Variants in KAT2A observed in about 807,000 individuals in gnomAD.
KAT2A encodes the protein lysine acetyltransferase 2A, also known as histone acetyltransferase KAT2A.
KAT2A carries 42 observed loss-of-function variants against 95.2 expected under a neutral mutation model. That is an observed-to-expected ratio of 0.44 (90% CI 0.34 to 0.57). KAT2A has a LOEUF of 0.57. Ranked by LOEUF, KAT2A falls within the 20% of genes least tolerant of loss-of-function variation. The pLI is 0.01. For synonymous variants in KAT2A, 449 were observed against 448.2 expected (o/e 1.00, Z -0.02); for missense variants, 784 against 1,126.3 (o/e 0.70, Z 4.35).
chr17:42,114,106 G>A lies in KAT2A; in HGVS notation c.2236-22C>T, dbSNP rs1480544090. ...GAGACTGGAGAGAAGAGCCGGGCTG[G>A]GGACAGCCCTGCTGCGCCCACGCCA... On this transcript the variant is annotated intron_variant, in intron 16 of 17. Coordinates refer to ENST00000225916, the MANE Select transcript of KAT2A (RefSeq NM_021078.3). The surrounding 1 kb of genome is among the most constrained non-coding windows in gnomAD (Gnocchi z 6.0). 6.4e-7 allele frequency: 1 copy of A among 1,560,074 alleles called. No individual in the cohort carries two copies. Among genetic ancestry groups the A allele is most frequent in the Non-Finnish European group, 8.6e-7 (1 of 1,157,896 alleles).
chr17:42,117,009 G>C lies in KAT2A; in HGVS notation c.1764+26C>G. The C allele has an allele frequency of 6.2e-7, 1 of 1,612,554 alleles. No individual in the cohort carries two copies. The highest frequency in any genetic ancestry group is 8.5e-7 in the Non-Finnish European group (1 of 1,179,712). Reference sequence around the variant, plus strand: ...AACTCAGGAGTGGGCCGTGGACTGGGGCTGGGGCCGGGGAGCCGCGCTCAC... The same window carrying C: ...AACTCAGGAGTGGGCCGTGGACTGGCGCTGGGGCCGGGGAGCCGCGCTCAC... On this transcript the variant is annotated intron_variant, in intron 11 of 17. Transcript: ENST00000225916. This position sits in a 1 kb window ranked among gnomAD's most constrained non-coding sequence, Gnocchi z 8.9.
At position 42,114,067 on chromosome 17, in the gene KAT2A, C is replaced by T. The variant is rs2144026853; in HGVS notation, c.2253G>A (p.Trp751Ter). The T allele has an allele frequency of 6.5e-7, 1 of 1,534,432 alleles. No homozygotes were observed. The highest frequency in any genetic ancestry group is 2.5e-5 in the Admixed American group (1 of 40,030). Residue 751 changes from tryptophan (W) to a stop codon, truncating the protein, a stop_gained, in exon 17 of 18, where the codon TGG becomes TGA. Transcript: ENST00000225916. LOFTEE classifies it high-confidence loss of function. This position sits in a 1 kb window ranked among gnomAD's most constrained non-coding sequence, Gnocchi z 6.0. ...LAQIKSHPSAWPFMEPVKKSE... is the reference protein window; with the variant it reads ...LAQIKSHPSA ...ACTTCTTCACAGGCTCCATGAAGGG[C>T]CAGGCACTGGGGTGAGACTGGAGAG...
At chr17:42,115,584 A>T (rs2054246337) in intron 12 of KAT2A, 139 bp downstream of exon 12, 1 of 662,720 alleles carries the variant, frequency 1.5e-6, no homozygotes, top group Admixed American at 2.2e-5. Flanking sequence ...AGGAAAGAAG[A>T]TAGGCATGGA....
chr17:42,114,138 GACCACTACCC>G lies in KAT2A; in HGVS notation c.2236-64_2236-55del. ...CCCTGCTGCGCCCACGCCAGCCCGAGACCACTACCCACCCCACACTGCATCAAGAGGCCAC... is the reference window on the plus strand; with the variant it reads ...CCCTGCTGCGCCCACGCCAGCCCGAGACCCCACACTGCATCAAGAGGCCAC... On this transcript the variant is annotated intron_variant, in intron 16 of 17. Transcript: ENST00000225916. This position sits in a 1 kb window ranked among gnomAD's most constrained non-coding sequence, Gnocchi z 6.0. The G allele has an allele frequency of 6.3e-7, 1 of 1,575,514 alleles. No individual in the cohort carries two copies. The highest frequency in any genetic ancestry group is 8.6e-7 in the Non-Finnish European group (1 of 1,163,644).
rs782032551 is a variant in KAT2A, at chr17:42,117,029, G to A, written c.1764+6C>T. 5 of 1,613,692 alleles carry A rather than the reference G, an allele frequency of 3.1e-6. No homozygotes were observed. The highest frequency in any genetic ancestry group is 2.7e-5 in the African/African-American group (2 of 75,058). On this transcript the variant is annotated splice_donor_region_variant and intron_variant, in intron 11 of 17. Coordinates refer to ENST00000225916, the MANE Select transcript of KAT2A (RefSeq NM_021078.3). The surrounding 1 kb of genome is among the most constrained non-coding windows in gnomAD (Gnocchi z 8.9). ...ACTGGGGCTGGGGCCGGGGAGCCGC[G>A]CTCACCTTGACCTGCTCATTCGAGG...
In KAT2A at chr17:42,114,359, C is replaced by T. The variant is rs2054221766; in HGVS notation, c.2170G>A (p.Gly724Arg). ...CAACCCGGCTCCTTTGACACTCACC[C>T]CTTCTCCTTCCCCAATGGCTTCCAG... is the stretch of plus-strand genomic sequence containing the variant. ...TGWKPLGKEK[G>R]KELKDPDQLY... The change falls in exon 15 of 18, where the codon GGG (glycine) becomes AGG (arginine). Residue 724 changes from glycine to arginine, a missense_variant and splice_region_variant. This residue lies in a region of KAT2A where 195 missense variants were observed against 247.1 expected (regional missense o/e 0.79). Transcript: ENST00000225916. The surrounding 1 kb of genome is among the most constrained non-coding windows in gnomAD (Gnocchi z 6.0). 1.2e-6 allele frequency: 2 copies of T among 1,614,058 alleles called. No homozygotes were observed. Among genetic ancestry groups the T allele is most frequent in the Non-Finnish European group, 1.7e-6 (2 of 1,179,960 alleles).
chr17:42,118,195 G>A (rs1555666536), intron 7 of KAT2A, 102 bp downstream of exon 7: 2 of 977,936 alleles, frequency 2.0e-6, no homozygotes, highest in Non-Finnish European at 3.2e-6. Flanking sequence ...AGGTCCCTCA[G>A]TGGGATCCAG....
chr17:42,120,721 A>C lies in KAT2A; in HGVS notation c.448T>G (p.Cys150Gly). Residue 150 changes from cysteine to glycine, a missense_variant, in exon 2 of 18, where the codon TGT (cysteine) becomes GGT (glycine). Around this residue, in one of 6 missense-constraint regions of KAT2A, gnomAD observed 208 missense variants for 339.7 expected, o/e 0.61. Coordinates refer to ENST00000225916, the MANE Select transcript of KAT2A (RefSeq NM_021078.3). ...AANLSELCRS[C>G]EHPLADHVSH... The stretch of plus-strand genomic sequence containing the variant: ...CCTGCCTTACCCAAGGGGTGCTCAC[A>C]ACTGCGGCACAGCTCACTCAGGTTG... 1.2e-6 allele frequency: 2 copies of C among 1,614,062 alleles called. No homozygotes were observed. Among genetic ancestry groups the C allele is most frequent in the Non-Finnish European group, 1.7e-6 (2 of 1,180,030 alleles).
At chr17:42,118,987 G>A in intron 6 of KAT2A, 1 of 1,281,688 alleles carries the variant, frequency 7.8e-7, no homozygotes, top group Non-Finnish European at 9.9e-7. Flanking sequence ...GCCCCCATGG[G>A]AAACAATTAG....
In KAT2A at chr17:42,114,862, A is replaced by T; in HGVS notation, c.2019+30T>A. ...CCCTCTGCATGCCCATTCATGAAAA[A>T]TCCCACAGATGCGCATGTGTGCACA... On this transcript the variant is annotated intron_variant, in intron 13 of 17. Transcript: ENST00000225916. This position sits in a 1 kb window ranked among gnomAD's most constrained non-coding sequence, Gnocchi z 6.0. 1 of 1,612,574 alleles carries T rather than the reference A, an allele frequency of 6.2e-7. No homozygotes were observed. The highest frequency in any genetic ancestry group is 1.1e-5 in the South Asian group (1 of 90,994).
Position 42,119,531 on chromosome 17 carries a change from G to C in KAT2A, c.881+6C>G. 1 of 1,589,760 alleles carries C rather than the reference G, an allele frequency of 6.3e-7. No homozygotes were observed. Among genetic ancestry groups the C allele is most frequent in the East Asian group, 2.2e-5 (1 of 44,582 alleles). ...CTCCCCCGAAGCTGCCCCTGGCTGG[G>C]CCTACCTGGTGTAATTGACCTTGTA... On this transcript the variant is annotated splice_donor_region_variant and intron_variant, in intron 5 of 17. Transcript: ENST00000225916. This position sits in a 1 kb window ranked among gnomAD's most constrained non-coding sequence, Gnocchi z 5.3.
chr17:42,117,148 G>A lies in KAT2A; in HGVS notation c.1651C>T (p.Leu551=), dbSNP rs200370558. The part of the protein sequence containing the change: ...RLVFDPKHKT[L]ALIKDGRVIG... Reference sequence around the variant, plus strand: ...ACCCGCCCATCCTTGATCAAGGCCAGAGTCTTGTGCTTCCTAAGAGAGAGG... The same window carrying A: ...ACCCGCCCATCCTTGATCAAGGCCAAAGTCTTGTGCTTCCTAAGAGAGAGG... Residue 551 remains leucine, a synonymous_variant, in exon 11 of 18, where the codon CTG becomes TTG. Coordinates refer to ENST00000225916, the MANE Select transcript of KAT2A (RefSeq NM_021078.3). This position sits in a 1 kb window ranked among gnomAD's most constrained non-coding sequence, Gnocchi z 8.9. 38 of 1,614,066 alleles carry A rather than the reference G, an allele frequency of 2.4e-5. 1 individual carries two copies. The East Asian group carries it at 7.1e-4, about 30-fold the overall frequency.
intron 12 of KAT2A, 103 bp downstream of exon 12, chr17:42,115,620 A>G: frequency 1.3e-6 from 1 of 762,328 alleles, no homozygotes; most frequent in Non-Finnish European, 2.4e-6. Context: ...TGTCAGGTGA[A>G]GTAGGGGACG....
intron 7 of KAT2A, 31 bp from the exon 8 acceptor site, chr17:42,118,048 G>C: frequency 7.5e-7 from 1 of 1,333,964 alleles, no homozygotes. Flanking sequence ...CAGGGATGGG[G>C]GGCTGAAGCT....
Position 42,119,206 on chromosome 17 carries a change from A to T in KAT2A, c.1073+39T>A. The T allele has an allele frequency of 6.4e-7, 1 of 1,566,898 alleles. No homozygotes were observed. The highest frequency in any genetic ancestry group is 1.2e-5 in the South Asian group (1 of 84,670). ...AAAGGGGACAACAGGGAGGATGTGA[A>T]CTTGGGGCCAAATCCTGGTAGGCCA... On this transcript the variant is annotated intron_variant, in intron 6 of 17. Coordinates refer to ENST00000225916, the MANE Select transcript of KAT2A (RefSeq NM_021078.3). This position sits in a 1 kb window ranked among gnomAD's most constrained non-coding sequence, Gnocchi z 5.3.
In KAT2A at chr17:42,114,229, G is replaced by A. The variant is rs2054218091; in HGVS notation, c.2225C>T (p.Ala742Val). The change falls in exon 16 of 18, where the codon GCC becomes GTC. Residue 742 changes from alanine (A) to valine (V), a missense_variant. Around this residue, in one of 6 missense-constraint regions of KAT2A, gnomAD observed 195 missense variants for 247.1 expected, o/e 0.79. Transcript: ENST00000225916. The surrounding 1 kb of genome is among the most constrained non-coding windows in gnomAD (Gnocchi z 6.0). ...QLYTTLKNLLAQIKSHPSAWP... is the reference protein window; with the variant it reads ...QLYTTLKNLLVQIKSHPSAWP... ...ACCTGGTCTCCCCACCTTGATTTGG[G>A]CCAGCAGGTTTTTGAGGGTTGTGTA... 12 of 1,597,574 alleles carry A rather than the reference G, an allele frequency of 7.5e-6. No individual in the cohort carries two copies. The highest frequency in any genetic ancestry group is 1.4e-5 in the African/African-American group (1 of 74,052).
chr17:42,117,134 C>G lies in KAT2A; in HGVS notation c.1665G>C (p.Lys555Asn). Residue 555 changes from lysine to asparagine, a missense_variant, in exon 11 of 18, where the codon AAG becomes AAC. Lys to Asn is a moderately conservative substitution (Grantham distance 94). Around this residue, in one of 6 missense-constraint regions of KAT2A, gnomAD observed 174 missense variants for 324.9 expected, o/e 0.54. Coordinates refer to ENST00000225916, the MANE Select transcript of KAT2A (RefSeq NM_021078.3). This position sits in a 1 kb window ranked among gnomAD's most constrained non-coding sequence, Gnocchi z 8.9. ...DPKHKTLALIKDGRVIGGICF... is the reference protein window; with the variant it reads ...DPKHKTLALINDGRVIGGICF... Reference sequence around the variant, plus strand: ...AGATGCCACCGATGACCCGCCCATCCTTGATCAAGGCCAGAGTCTTGTGCT... The same window carrying G: ...AGATGCCACCGATGACCCGCCCATCGTTGATCAAGGCCAGAGTCTTGTGCT... 6.2e-7 allele frequency: 1 copy of G among 1,614,122 alleles called. No individual in the cohort carries two copies. Among genetic ancestry groups the G allele is most frequent in the Non-Finnish European group, 8.5e-7 (1 of 1,180,040 alleles).
In KAT2A at chr17:42,113,737, G is replaced by A. The variant is rs782384340; in HGVS notation, c.2426C>T (p.Pro809Leu). Residue 809 changes from proline (P) to leucine (L), a missense_variant, in exon 18 of 18, where the codon CCC (proline) becomes CTC (leucine). Physicochemically the swap from Pro to Leu is moderately conservative, Grantham distance 98. This residue lies in a region of KAT2A where 195 missense variants were observed against 247.1 expected (regional missense o/e 0.79). Transcript: ENST00000225916. ...RVIANCREYN[P>L]PDSEYCRCAS... ...ACAGCGGCAGTACTCGCTGTCCGGGGGGTTGTACTCGCGACAGTTGGCGAT... is the reference window on the plus strand; with the variant it reads ...ACAGCGGCAGTACTCGCTGTCCGGGAGGTTGTACTCGCGACAGTTGGCGAT... The A allele has an allele frequency of 6.2e-7, 1 of 1,611,578 alleles. No homozygotes were observed. Among genetic ancestry groups the A allele is most frequent in the East Asian group, 2.2e-5 (1 of 44,800 alleles).
chr17:42,121,261 T>C lies in KAT2A; in HGVS notation c.44A>G (p.Gln15Arg), dbSNP rs2054335641. 7.4e-7 allele frequency: 1 copy of C among 1,345,634 alleles called. No individual in the cohort carries two copies. The highest frequency in any genetic ancestry group is 1.7e-5 in the South Asian group (1 of 60,162). 83.4% of individuals were successfully genotyped at this position (1,345,634 alleles called of 1,614,324 possible). A position where few individuals can be genotyped will look rare whatever the true frequency, so the allele number is the denominator to read the frequency against. The change falls in exon 1 of 18, where the codon CAG becomes CGG. Residue 15 changes from glutamine (Q) to arginine (R), a missense_variant. Physicochemically the swap from Gln to Arg is conservative, Grantham distance 43. Transcript: ENST00000225916. ...SQAPTPAPAA[Q>R]PRPLQSPAPA... is the part of the protein sequence containing the mutation. Reference sequence around the variant, plus strand: ...GGCTGGGGACTGAAGGGGCCGGGGCTGCGCAGCCGGGGCCGGGGTCGGGGC... The same window carrying C: ...GGCTGGGGACTGAAGGGGCCGGGGCCGCGCAGCCGGGGCCGGGGTCGGGGC...
Sources: allele counts gnomAD v4.1 joint callset, GRCh38; gene constraint gnomAD v4.1.1; regional missense constraint gnomAD v4.1.1; non-coding constraint Gnocchi (gnomAD v3.1); transcripts MANE v1.5; gene names NCBI Gene and HGNC (gene_info 2026-07-23, HGNC 2026-07-21).